NDUFS1: variants seen among roughly 807,000 people sequenced by gnomAD.
NDUFS1 encodes the protein NADH-ubiquinone oxidoreductase 75 kDa subunit, mitochondrial.
NDUFS1 carries 61 observed loss-of-function variants against 84.4 expected under a neutral mutation model. The ratio of observed to expected loss-of-function variants is 0.72; its 90% CI spans 0.59 to 0.89. The LOEUF is 0.89. NDUFS1 is among the 40% of genes least tolerant of loss of function. The pLI is 0.00. For synonymous variants in NDUFS1, 275 were observed against 290.0 expected, an observed-to-expected ratio of 0.95 and a Z score of 0.53; for missense variants, 891 against 890.0, an observed-to-expected ratio of 1.00 and a Z score of -0.01.
intron 1 of NDUFS1, among the ~76,000 whole-genome samples, chr2:206,157,889 C>G (rs1687725662): frequency 6.6e-6 from 1 of 151,888 alleles, no homozygotes; most frequent in Non-Finnish European, 1.5e-5. Context: ...TGGATCCATC[C>G]ATTTACTTCT....
chr2:206,159,054 C>G (rs1458443885), intron 1 of NDUFS1: 11 of 1,534,156 alleles, frequency 7.2e-6, no homozygotes, highest in Non-Finnish European at 9.6e-6. Context: ...AGGGAAATGT[C>G]CTGAATTTTC....
At chr2:206,145,926 C>G (rs747570328) in intron 8 of NDUFS1, among the ~76,000 whole-genome samples, 39 of 152,254 alleles carry the variant, frequency 2.6e-4, no homozygotes, top group South Asian at 6.2e-4. Flanking sequence ...GTGGTAATTG[C>G]GGCAAGCATT....
At chr2:206,125,525 A>C (rs1177300393) in intron 18 of NDUFS1, among the ~76,000 whole-genome samples, 1 of 151,594 alleles carries the variant, frequency 6.6e-6, no homozygotes, top group East Asian at 1.9e-4. Context: ...ACATATAAAT[A>C]ACAATAGTTA....
intron 14 of NDUFS1, among the ~76,000 whole-genome samples, chr2:206,132,727 C>CT (rs1193393208): frequency 1.3e-5 from 2 of 152,136 alleles, no homozygotes. Flanking sequence ...TAGTACTTCA[C>CT]TTTTTTTCTC....
intron 12 of NDUFS1, among the ~76,000 whole-genome samples, chr2:206,139,448 G>A (rs1377732589): frequency 6.6e-6 from 1 of 152,066 alleles, no homozygotes; most frequent in Non-Finnish European, 1.5e-5. Flanking sequence ...CAGCCTCCCA[G>A]AGTGCTGGGA....
At chr2:206,150,555 G>A (rs915148596) in intron 3 of NDUFS1, among the ~76,000 whole-genome samples, 6 of 152,178 alleles carry the variant, frequency 3.9e-5, no homozygotes, top group African/African-American at 1.4e-4. Context: ...TCAATTTCCA[G>A]TGTTTAAACT....
chr2:206,151,897 GCT>G (rs1263674446), intron 3 of NDUFS1, among the ~76,000 whole-genome samples: 2 of 152,046 alleles, frequency 1.3e-5, no homozygotes, highest in East Asian at 1.9e-4. Context: ...ACAGAGTCTT[GCT>G]CTGTTGCCCA....
intron 5 of NDUFS1, among the ~76,000 whole-genome samples, chr2:206,148,618 G>A (rs1340378059): frequency 3.3e-5 from 5 of 152,062 alleles, no homozygotes; most frequent in South Asian, 4.1e-4. Flanking sequence ...GTGAGACCTC[G>A]TTTCAAAAAA....
rs928048612 is a variant in NDUFS1 at position 206,159,300 on chromosome 2, G to C, written c.-5+41C>G. ...CAGTCCCGTCAATAAATAAGCCTCT[G>C]GCCGACGCACCTCACCCTTCCCATC... On this transcript the variant is annotated intron_variant, in intron 1 of 18. Coordinates refer to ENST00000233190, the MANE Select transcript of NDUFS1 (RefSeq NM_005006.7). 70 of 689,328 alleles carry C rather than the reference G, an allele frequency of 1.0e-4. No homozygotes were observed. In the Admixed American group the frequency reaches 1.6e-3, roughly 16 times the overall value. The allele number at this position is 689,328 out of a possible 1,614,324, so 42.7% of individuals were successfully genotyped here. A position where few individuals can be genotyped will look rare whatever the true frequency, so the allele number is the denominator to read the frequency against.
chr2:206,137,412 T>C (rs1691760855), intron 13 of NDUFS1, among the ~76,000 whole-genome samples: 1 of 151,054 alleles, frequency 6.6e-6, no homozygotes, highest in Non-Finnish European at 1.5e-5. Context: ...GAGGTTGCAA[T>C]GAGCCAAGAT....
chr2:206,145,079 TCTG>T, intron 8 of NDUFS1, 53 bp from the exon 9 acceptor site: 1 of 1,526,188 alleles, frequency 6.6e-7, no homozygotes. Flanking sequence ...AAAGAAAGTT[TCTG>T]TTACCTGGTT....
rs2105934982 is a variant in NDUFS1 at position 206,119,165 on chromosome 2, C to T, written c.*5020G>A. ...TTTAGGCATGGCTTTCCCTCATAGT[C>T]TATGAAATTTTCCTACAATGATCAT... is the stretch of plus-strand genomic sequence containing the variant. On this transcript the variant is annotated 3_prime_UTR_variant, in exon 19 of 19. Coordinates refer to ENST00000233190, the MANE Select transcript of NDUFS1 (RefSeq NM_005006.7). The T allele has an allele frequency of 6.6e-6, 1 of 152,252 alleles. No homozygotes were observed. Among genetic ancestry groups the T allele is most frequent in the Admixed American group, 6.5e-5 (1 of 15,272 alleles). 9.4% of individuals were successfully genotyped at this position (152,252 alleles called of 1,614,324 possible). A position where few individuals can be genotyped will look rare whatever the true frequency, so the allele number is the denominator to read the frequency against.
chr2:206,123,525 G>A lies in NDUFS1; in HGVS notation c.*660C>T, dbSNP rs1691166321. On this transcript the variant is annotated 3_prime_UTR_variant, in exon 19 of 19. Transcript: ENST00000233190. ...CAGGCTTTGGAGTAAATAAGAAGTA[G>A]GTTTGAGTTGGTGACTTTTGCTGTG... 1 of 152,138 alleles carries A rather than the reference G, an allele frequency of 6.6e-6. No individual in the cohort carries two copies. The highest frequency in any genetic ancestry group is 1.5e-5 in the Non-Finnish European group (1 of 68,036). The allele number at this position is 152,138 out of a possible 1,614,324, so 9.4% of individuals were successfully genotyped here.
At position 206,116,220 on chromosome 2, in the gene NDUFS1, G is replaced by C; in HGVS notation, c.*7965C>G. ...TTGATCAGCCAACCATCTTCATAAC[G>C]AGATTTGTTTACAAGTCCTGGATTT... is the stretch of plus-strand genomic sequence containing the variant. On this transcript the variant is annotated 3_prime_UTR_variant, in exon 19 of 19. Transcript: ENST00000233190. The C allele has an allele frequency of 2.2e-6, 3 of 1,351,062 alleles. No homozygotes were observed. Among genetic ancestry groups the C allele is most frequent in the South Asian group, 1.2e-5 (1 of 85,642 alleles). The allele number at this position is 1,351,062 out of a possible 1,614,324, so 83.7% of individuals were successfully genotyped here.
At chr2:206,156,251 A>G (rs1463625666) in intron 1 of NDUFS1, among the ~76,000 whole-genome samples, 2 of 131,428 alleles carry the variant, frequency 1.5e-5, no homozygotes, top group African/African-American at 6.3e-5. Context: ...CGACAGAGCA[A>G]CACTCTGTCT....
Position 206,130,377 on chromosome 2 carries a change from T to TA in NDUFS1, c.1554-136dup, listed in dbSNP as rs779200879. 448 of 1,124,076 alleles carry TA rather than the reference T, an allele frequency of 4.0e-4. 1 individual carries two copies. Among genetic ancestry groups the TA allele is most frequent in the Middle Eastern group, 3.0e-4 (1 of 3,384 alleles). The allele number at this position is 1,124,076 out of a possible 1,614,324, so 69.6% of individuals were successfully genotyped here. ...TTTTATTTTATTTTTTTCTCGGCGA[T>TA]AGAGTCTCACTTTGTCGCCCAGGCT... On this transcript the variant is annotated intron_variant, in intron 14 of 18. Transcript: ENST00000233190.
In NDUFS1 at chr2:206,122,830, G is replaced by GGTC. The variant is rs1314650564; in HGVS notation, c.*1352_*1354dup. ...GGCTCACTGCAGCCTCAACCTCCTG[G>GGTC]GTCAGGTGATCCTCCCACCTCAGCC... is the stretch of plus-strand genomic sequence containing the variant. On this transcript the variant is annotated 3_prime_UTR_variant, in exon 19 of 19. Transcript: ENST00000233190. The GGTC allele has an allele frequency of 6.6e-6, 1 of 152,098 alleles. No individual in the cohort carries two copies. The highest frequency in any genetic ancestry group is 1.5e-5 in the Non-Finnish European group (1 of 68,076). 9.4% of individuals were successfully genotyped at this position (152,098 alleles called of 1,614,324 possible). A position where few individuals can be genotyped will look rare whatever the true frequency, so the allele number is the denominator to read the frequency against.
In NDUFS1 at chr2:206,127,829, C is replaced by A; in HGVS notation, c.1852G>T (p.Glu618Ter). The A allele has an allele frequency of 6.2e-7, 1 of 1,614,138 alleles. No individual in the cohort carries two copies. The highest frequency in any genetic ancestry group is 8.5e-7 in the Non-Finnish European group (1 of 1,180,008). The change falls in exon 16 of 19, where the codon GAA becomes TAA. Residue 618 changes from glutamate to a stop codon, truncating the protein, a stop_gained. Transcript: ENST00000233190. LOFTEE classifies it high-confidence loss of function. ...VAVTPPGLAREDWKIIRALSE... is the reference protein window; with the variant it reads ...VAVTPPGLAR ...AGTGCTCTTATAATTTTCCAGTCTTCTCTTGCCAAGCCAGGAGGTGTCACT... is the reference window on the plus strand; with the variant it reads ...AGTGCTCTTATAATTTTCCAGTCTTATCTTGCCAAGCCAGGAGGTGTCACT...
At position 206,130,184 on chromosome 2, in the gene NDUFS1, G is replaced by T; in HGVS notation, c.1612C>A (p.Arg538=). 3 of 1,614,138 alleles carry T rather than the reference G, an allele frequency of 1.9e-6. No individual in the cohort carries two copies. The highest frequency in any genetic ancestry group is 2.5e-6 in the Non-Finnish European group (3 of 1,180,022). The change falls in exon 15 of 19, where the codon CGG becomes AGG. Residue 538 remains arginine (R), a synonymous_variant. Transcript: ENST00000233190. ...AACAGCACCTTGGGAGGGTTCTTCC[G>T]AATTGCTTCCACCCCAGGCTTATAG... The part of the protein sequence containing the change: ...LGYKPGVEAI[R]KNPPKVLFLL...
Sources: gnomAD v4.1 joint callset for allele counts (sites outside exome capture counted in the v4.1 genomes callset) on GRCh38, gnomAD v4.1.1 for gene constraint, MANE v1.5 for transcripts, NCBI Gene and HGNC (gene_info 2026-07-23, HGNC 2026-07-21) for gene names.